Variants in CNOT4 observed in about 807,000 individuals in gnomAD.
CNOT4 encodes CCR4-associated factor 4.
In CNOT4, 8 loss-of-function variants were observed where a neutral mutation model predicts 73.8. The observed-to-expected ratio is 0.11, with a 90% CI of 0.06 to 0.20. The LOEUF (loss-of-function observed/expected upper bound fraction) is 0.20. Among genes scored for constraint, CNOT4 ranks in the 10% least tolerant of loss-of-function variants. CNOT4 has a pLI of 1.00. For missense variants in CNOT4, 564 were observed against 883.4 expected, an observed-to-expected ratio of 0.64 and a Z score of 4.58; for synonymous variants, 293 against 321.1, an observed-to-expected ratio of 0.91 and a Z score of 0.94.
At chr7:135,507,673 A>G (rs1432995173) in intron 1 of CNOT4, among the ~76,000 whole-genome samples, 1 of 152,198 alleles carries the variant, frequency 6.6e-6, no homozygotes, top group Non-Finnish European at 1.5e-5. Context: ...ATCCTCTCCT[A>G]GAACTCACTG....
At chr7:135,387,250 T>A in intron 10 of CNOT4, 1 of 984,830 alleles carries the variant, frequency 1.0e-6, no homozygotes, top group Non-Finnish European at 1.2e-6. Context: ...TAGAGATTGA[T>A]GTTTATGCTG....
At chr7:135,405,562 T>A (rs139416230) in intron 7 of CNOT4, among the ~76,000 whole-genome samples, 1 of 152,204 alleles carries the variant, frequency 6.6e-6, no homozygotes, top group African/African-American at 2.4e-5. Flanking sequence ...CCCACTCTCA[T>A]TACTTGTATT....
At chr7:135,374,760 A>G (rs1484869925) in intron 10 of CNOT4, among the ~76,000 whole-genome samples, 1 of 152,232 alleles carries the variant, frequency 6.6e-6, no homozygotes, top group African/African-American at 2.4e-5. Context: ...CAAACAGGAT[A>G]CATTCTAACA....
chr7:135,430,788 A>G (rs777974093), intron 2 of CNOT4, among the ~76,000 whole-genome samples: 1 of 152,256 alleles, frequency 6.6e-6, no homozygotes, highest in Non-Finnish European at 1.5e-5. Context: ...TTAGGAATAA[A>G]GGAAAACTTC....
chr7:135,380,682 T>G (rs146984573), intron 10 of CNOT4, among the ~76,000 whole-genome samples: 19 of 152,350 alleles, frequency 1.2e-4, no homozygotes, highest in African/African-American at 4.6e-4. Flanking sequence ...ATTCTGAATC[T>G]TAAAAGTTTT....
At chr7:135,491,795 G>C (rs1270000822) in intron 1 of CNOT4, among the ~76,000 whole-genome samples, 1 of 152,210 alleles carries the variant, frequency 6.6e-6, no homozygotes, top group Non-Finnish European at 1.5e-5. Flanking sequence ...GATATACAGA[G>C]AGAAGGGAGA....
chr7:135,467,824 A>G (rs1449682834), intron 1 of CNOT4, among the ~76,000 whole-genome samples: 1 of 152,238 alleles, frequency 6.6e-6, no homozygotes, highest in Non-Finnish European at 1.5e-5. Flanking sequence ...AAAACAAGGA[A>G]GTTGGTGCTT....
intron 7 of CNOT4, among the ~76,000 whole-genome samples, chr7:135,405,819 C>T (rs768901295): frequency 5.4e-4 from 82 of 152,210 alleles, no homozygotes; most frequent in Admixed American, 1.4e-3. Flanking sequence ...AAGATTTGTA[C>T]TCTGGCTTAA....
At chr7:135,439,507 G>A (rs545569061) in intron 1 of CNOT4, among the ~76,000 whole-genome samples, 2 of 152,208 alleles carry the variant, frequency 1.3e-5, no homozygotes, top group Non-Finnish European at 2.9e-5. Context: ...GCTCATGACT[G>A]TAATCCCAGC....
At chr7:135,366,867 T>A (rs1794944875) in intron 10 of CNOT4, among the ~76,000 whole-genome samples, 1 of 152,184 alleles carries the variant, frequency 6.6e-6, no homozygotes, top group Non-Finnish European at 1.5e-5. Flanking sequence ...AAATAGCTCA[T>A]CTCAGTCCGG....
At chr7:135,490,397 G>C (rs1026848049) in intron 1 of CNOT4, among the ~76,000 whole-genome samples, 3 of 152,178 alleles carry the variant, frequency 2.0e-5, no homozygotes, top group Non-Finnish European at 4.4e-5. Context: ...ACTAATCTTG[G>C]CAGAGGTTGG....
chr7:135,501,394 T>A (rs1803956709), intron 1 of CNOT4, among the ~76,000 whole-genome samples: 1 of 152,188 alleles, frequency 6.6e-6, no homozygotes, highest in Non-Finnish European at 1.5e-5. Context: ...ATAGACCACA[T>A]TTCCTCAGTT....
At chr7:135,491,229 C>A (rs1384985879) in intron 1 of CNOT4, among the ~76,000 whole-genome samples, 1 of 152,098 alleles carries the variant, frequency 6.6e-6, no homozygotes, top group Non-Finnish European at 1.5e-5. Context: ...GAGATCTGGG[C>A]TGAAAAAATT....
intron 5 of CNOT4, among the ~76,000 whole-genome samples, chr7:135,414,039 C>A (rs1235161511): frequency 6.6e-6 from 1 of 151,848 alleles, no homozygotes; most frequent in Non-Finnish European, 1.5e-5. Context: ...TAAGGACTAC[C>A]TATTTCTGAA....
At chr7:135,489,055 T>C (rs1161101372) in intron 1 of CNOT4, among the ~76,000 whole-genome samples, 2 of 152,118 alleles carry the variant, frequency 1.3e-5, no homozygotes, top group African/African-American at 2.4e-5. Context: ...AATCATATTT[T>C]AGTGAATATA....
At chr7:135,446,644 T>C (rs1015983809) in intron 1 of CNOT4, among the ~76,000 whole-genome samples, 6 of 152,048 alleles carry the variant, frequency 3.9e-5, no homozygotes, top group African/African-American at 1.2e-4. Flanking sequence ...CCTAAGTATA[T>C]ACTATACAAC....
chr7:135,400,227 T>C (rs562526314), intron 7 of CNOT4, among the ~76,000 whole-genome samples: 1 of 151,104 alleles, frequency 6.6e-6, no homozygotes, highest in Admixed American at 6.6e-5. Context: ...ACAAATGGGA[T>C]AGCTGGAATA....
chr7:135,406,184 A>G (rs920917728), intron 7 of CNOT4, among the ~76,000 whole-genome samples: 1 of 152,050 alleles, frequency 6.6e-6, no homozygotes, highest in Non-Finnish European at 1.5e-5. Flanking sequence ...TGGAAACCAA[A>G]GCAGACCTTT....
chr7:135,411,966 A>G (rs1424503413), intron 6 of CNOT4, among the ~76,000 whole-genome samples: 3 of 152,000 alleles, frequency 2.0e-5, no homozygotes. Context: ...TCCTACATCA[A>G]GAAAGTGTTT....
Sources: allele counts gnomAD v4.1 joint callset (sites outside exome capture counted in the v4.1 genomes callset), GRCh38; gene constraint gnomAD v4.1.1; transcripts MANE v1.5; gene names NCBI Gene and HGNC (gene_info 2026-07-23, HGNC 2026-07-21).